The following PRKACB variants were observed in gnomAD, a reference collection of about 807,000 sequenced individuals.
PRKACB encodes cAMP-dependent protein kinase catalytic subunit beta.
Under a neutral mutation model 51.4 loss-of-function variants are expected in PRKACB, and 16 were observed. That is an observed-to-expected ratio of 0.31 (90% confidence interval 0.21 to 0.47). PRKACB has a LOEUF of 0.47. Among genes scored for constraint, PRKACB ranks in the 20% least tolerant of loss-of-function variants. The pLI, the probability that PRKACB is intolerant of heterozygous loss-of-function variation, is 1.00. For synonymous variants in PRKACB, 147 were observed against 154.4 expected (o/e 0.95, Z 0.35); for missense variants, 309 against 464.5 (o/e 0.67, Z 3.08).
chr1:84,118,856 T>C (rs1650835321), intron 1 of PRKACB, among the ~76,000 whole-genome samples: 1 of 152,170 alleles, frequency 6.6e-6, no homozygotes, highest in Non-Finnish European at 1.5e-5. Flanking sequence ...TGAGTTTATA[T>C]ACCAAAAGTA....
intron 1 of PRKACB, among the ~76,000 whole-genome samples, chr1:84,173,076 CTTCAGT>C (rs1197732618): frequency 6.6e-6 from 1 of 151,410 alleles, no homozygotes; most frequent in Non-Finnish European, 1.5e-5. Flanking sequence ...CACAATTATT[CTTCAGT>C]TTCAAAGGAC....
At position 84,238,439 on chromosome 1, in the gene PRKACB, A is replaced by G. The variant is rs946679661; in HGVS notation, c.*3134A>G. On this transcript the variant is annotated 3_prime_UTR_variant, in exon 10 of 10. Coordinates refer to ENST00000370685, the MANE Select transcript of PRKACB (RefSeq NM_182948.4). ...CTGTAGCTAGGAAATGCTGAAAACA[A>G]CTGTGTTTTTTAATTAATCAATAAC... The G allele has an allele frequency of 3.3e-5, 5 of 152,612 alleles. No individual in the cohort carries two copies. Among genetic ancestry groups the G allele is most frequent in the Admixed American group, 3.3e-4 (5 of 15,280 alleles). 9.5% of individuals were successfully genotyped at this position (152,612 alleles called of 1,614,324 possible).
chr1:84,219,674 T>C (rs1411790173), intron 9 of PRKACB, among the ~76,000 whole-genome samples: 1 of 150,988 alleles, frequency 6.6e-6, no homozygotes, highest in East Asian at 1.9e-4. Context: ...CATATGGATA[T>C]CCAGTTTTTC....
intron 1 of PRKACB, among the ~76,000 whole-genome samples, chr1:84,132,044 G>C (rs1261387185): frequency 6.6e-6 from 1 of 152,138 alleles, no homozygotes; most frequent in Non-Finnish European, 1.5e-5. Context: ...TTTGGGGAGG[G>C]CATTTCTCCC....
intron 9 of PRKACB, among the ~76,000 whole-genome samples, chr1:84,224,459 C>T (rs1674245621): frequency 6.6e-6 from 1 of 152,200 alleles, no homozygotes; most frequent in Non-Finnish European, 1.5e-5. Flanking sequence ...ATGGTAGCAA[C>T]AGATTGGGCA....
At chr1:84,115,924 T>G (rs1571639916) in intron 1 of PRKACB, among the ~76,000 whole-genome samples, 1 of 147,734 alleles carries the variant, frequency 6.8e-6, no homozygotes, top group East Asian at 2.0e-4. Flanking sequence ...AAAAAATTCT[T>G]TGCCTAGAGC....
At chr1:84,177,445 A>G (rs1661677615) in intron 1 of PRKACB, among the ~76,000 whole-genome samples, 1 of 152,106 alleles carries the variant, frequency 6.6e-6, no homozygotes, top group Non-Finnish European at 1.5e-5. Context: ...AATTCCAAGA[A>G]AAAATAACAA....
chr1:84,102,206 TAA>T (rs879554698), intron 1 of PRKACB, among the ~76,000 whole-genome samples: 15 of 134,832 alleles, frequency 1.1e-4, no homozygotes, highest in Admixed American at 1.5e-4. Flanking sequence ...CCATCTCTAC[TAA>T]AAAAAAAAAA....
intron 9 of PRKACB, among the ~76,000 whole-genome samples, chr1:84,221,210 C>T (rs181432682): frequency 5.9e-5 from 9 of 152,100 alleles, no homozygotes; most frequent in African/African-American, 2.2e-4. Context: ...TCTATTTCCT[C>T]TAGGTTTTCC....
chr1:84,100,562 A>G (rs1649273316), intron 1 of PRKACB, among the ~76,000 whole-genome samples: 2 of 152,190 alleles, frequency 1.3e-5, no homozygotes, highest in East Asian at 1.9e-4. Context: ...AGAATTTTGA[A>G]TGATGCAAAC....
chr1:84,235,064 T>C, intron 9 of PRKACB, 116 bp from the exon 10 acceptor site: 7 of 1,096,040 alleles, frequency 6.4e-6, no homozygotes, highest in Non-Finnish European at 9.0e-6. Context: ...AGGAACCTAA[T>C]GGCATCTAAG....
intron 1 of PRKACB, among the ~76,000 whole-genome samples, chr1:84,134,060 T>C (rs2100563606): frequency 6.6e-6 from 1 of 152,236 alleles, no homozygotes; most frequent in South Asian, 2.1e-4. Context: ...AGTGGGAAAG[T>C]AGTCTCCCCT....
intron 1 of PRKACB, among the ~76,000 whole-genome samples, chr1:84,133,044 T>C (rs1652406676): frequency 6.6e-6 from 1 of 152,008 alleles, no homozygotes; most frequent in Non-Finnish European, 1.5e-5. Context: ...TCAAGCAGAA[T>C]GAATGATAAA....
chr1:84,084,745 G>C (rs1647828746), intron 1 of PRKACB, among the ~76,000 whole-genome samples: 1 of 152,170 alleles, frequency 6.6e-6, no homozygotes, highest in Admixed American at 6.5e-5. Context: ...TGGTAGATGG[G>C]TTGTAACGCC....
intron 1 of PRKACB, among the ~76,000 whole-genome samples, chr1:84,115,999 T>C (rs990537667): frequency 6.6e-6 from 1 of 151,762 alleles, no homozygotes; most frequent in African/African-American, 2.4e-5. Context: ...TCTTACATAG[T>C]CTGTAATCCA....
At chr1:84,172,234 G>T (rs537072348) in intron 1 of PRKACB, among the ~76,000 whole-genome samples, 1 of 151,428 alleles carries the variant, frequency 6.6e-6, no homozygotes, top group African/African-American at 2.4e-5. Context: ...CCATATTGTC[G>T]GGAAACAAGA....
Position 84,235,360 on chromosome 1 carries a change from A to G in PRKACB, c.*55A>G. The G allele has an allele frequency of 5.0e-6, 8 of 1,608,224 alleles. No individual in the cohort carries two copies. Among genetic ancestry groups the G allele is most frequent in the Non-Finnish European group, 6.8e-6 (8 of 1,177,066 alleles). ...CTCAGTGTTTGCACTCTGTTGAGAG[A>G]TAAGGTAGAGCTGAGACCGTCCTTG... On this transcript the variant is annotated 3_prime_UTR_variant, in exon 10 of 10. Transcript: ENST00000370685.
chr1:84,089,814 G>C (rs1447814122), intron 1 of PRKACB, among the ~76,000 whole-genome samples: 1 of 151,794 alleles, frequency 6.6e-6, no homozygotes, highest in Admixed American at 6.6e-5. Context: ...TCTCCTTTTT[G>C]CTTGCTTTTT....
chr1:84,135,532 T>TA (rs1443937189), intron 1 of PRKACB, among the ~76,000 whole-genome samples: 1 of 152,110 alleles, frequency 6.6e-6, no homozygotes, highest in Non-Finnish European at 1.5e-5. Flanking sequence ...TTCTTGGCCA[T>TA]AAACCACATT....
Sources: allele counts gnomAD v4.1 joint callset (sites outside exome capture counted in the v4.1 genomes callset), GRCh38; gene constraint gnomAD v4.1.1; transcripts MANE v1.5; gene names NCBI Gene and HGNC (gene_info 2026-07-23, HGNC 2026-07-21).